The following FCHSD2 variants were observed in gnomAD, a reference collection of about 807,000 sequenced individuals.
FCHSD2 encodes FCH and double SH3 domains 2.
In FCHSD2, 38 loss-of-function variants were observed where a neutral mutation model predicts 108.1. That is an observed-to-expected ratio of 0.35 (90% CI 0.27 to 0.46). FCHSD2 has a LOEUF of 0.46. Among genes scored for constraint, FCHSD2 ranks in the 20% least tolerant of loss-of-function variants. The pLI, the probability that FCHSD2 is intolerant of heterozygous loss-of-function variation, is 1.00. For missense variants in FCHSD2, 751 were observed against 897.8 expected (o/e 0.84, Z 2.09); for synonymous variants, 279 against 314.7 (o/e 0.89, Z 1.20).
intron 3 of FCHSD2, among the ~76,000 whole-genome samples, chr11:73,038,551 A>G (rs1336173504): frequency 6.6e-6 from 1 of 152,218 alleles, no homozygotes; most frequent in African/African-American, 2.4e-5. Context: ...TTGTAGCAAC[A>G]TGAATGTAGC....
intron 4 of FCHSD2, among the ~76,000 whole-genome samples, chr11:73,014,040 T>C (rs1029296228): frequency 6.6e-6 from 1 of 152,130 alleles, no homozygotes. Context: ...CTTGCCTCTC[T>C]TGCCTAGAAT....
intron 3 of FCHSD2, among the ~76,000 whole-genome samples, chr11:73,021,236 A>T (rs1858096397): frequency 6.6e-6 from 1 of 151,578 alleles, no homozygotes; most frequent in Non-Finnish European, 1.5e-5. Context: ...CATAGAATAA[A>T]AAAAAAAAAA....
chr11:73,044,670 T>C (rs1858714603), intron 3 of FCHSD2, among the ~76,000 whole-genome samples: 1 of 152,190 alleles, frequency 6.6e-6, no homozygotes, highest in Admixed American at 6.5e-5. Flanking sequence ...ATGTGCTAGA[T>C]ACAACATTAA....
chr11:72,957,511 C>T (rs528199377), intron 8 of FCHSD2, among the ~76,000 whole-genome samples: 54 of 150,886 alleles, frequency 3.6e-4, no homozygotes, highest in African/African-American at 1.3e-3. Context: ...AACTGAGGAA[C>T]TCTTCTAGAT....
At chr11:72,973,907 A>C (rs962090203) in intron 8 of FCHSD2, among the ~76,000 whole-genome samples, 1 of 152,200 alleles carries the variant, frequency 6.6e-6, no homozygotes, top group East Asian at 1.9e-4. Flanking sequence ...CCTATTTATT[A>C]TCTGTCCCTT....
At chr11:72,989,125 T>C in intron 5 of FCHSD2, 28 bp from the exon 6 acceptor site, 2 of 1,577,546 alleles carry the variant, frequency 1.3e-6, no homozygotes, top group Non-Finnish European at 1.7e-6. Context: ...ACAATCATTA[T>C]GATTTTAGTT....
chr11:73,128,993 TCCCCAGTAGCTGGGAC>T (rs1860925255), intron 2 of FCHSD2, among the ~76,000 whole-genome samples: 1 of 152,156 alleles, frequency 6.6e-6, no homozygotes, highest in African/African-American at 2.4e-5. Flanking sequence ...TGCCTTAGCC[TCCCCAGTAGCTGGGAC>T]TACAGGCATG....
intron 3 of FCHSD2, among the ~76,000 whole-genome samples, chr11:73,043,398 A>G (rs1436365956): frequency 1.3e-5 from 2 of 152,222 alleles, no homozygotes; most frequent in Non-Finnish European, 2.9e-5. Flanking sequence ...CAAGTAATGT[A>G]TAATTTAAAT....
chr11:72,852,260 T>C (rs1861311752), intron 13 of FCHSD2, among the ~76,000 whole-genome samples: 3 of 152,196 alleles, frequency 2.0e-5, no homozygotes, highest in Admixed American at 6.5e-5. Flanking sequence ...GGGACGCTTA[T>C]ACACTGCTGG....
rs1860782455 is a variant in FCHSD2 at position 72,837,905 on chromosome 11, T to C, written c.*886A>G. 1 of 152,198 alleles carries C rather than the reference T, an allele frequency of 6.6e-6. No individual in the cohort carries two copies. Among genetic ancestry groups the C allele is most frequent in the Non-Finnish European group, 1.5e-5 (1 of 68,034 alleles). The allele number at this position is 152,198 out of a possible 1,614,324, so 9.4% of individuals were successfully genotyped here. ...CAGTAGAGAAGCTCAACAATGCAGGTATGTGTCCTCAACTTATCTAGACAT... is the reference window on the plus strand; with the variant it reads ...CAGTAGAGAAGCTCAACAATGCAGGCATGTGTCCTCAACTTATCTAGACAT... On this transcript the variant is annotated 3_prime_UTR_variant, in exon 20 of 20. Coordinates refer to ENST00000409418, the MANE Select transcript of FCHSD2 (RefSeq NM_014824.3).
At chr11:73,080,557 G>C (rs1240949303) in intron 3 of FCHSD2, among the ~76,000 whole-genome samples, 1 of 152,148 alleles carries the variant, frequency 6.6e-6, no homozygotes, top group Non-Finnish European at 1.5e-5. Context: ...AGAGTAGGCT[G>C]GAGAGGAATG....
intron 3 of FCHSD2, among the ~76,000 whole-genome samples, chr11:73,051,606 C>T (rs1858898947): frequency 1.3e-5 from 2 of 152,044 alleles, no homozygotes; most frequent in Admixed American, 1.3e-4. Flanking sequence ...TACTATTTTA[C>T]ACAAAAGTAT....
chr11:73,047,307 C>A (rs780680403), intron 3 of FCHSD2, among the ~76,000 whole-genome samples: 30 of 151,814 alleles, frequency 2.0e-4, no homozygotes, highest in Middle Eastern at 3.4e-3. Context: ...AAGCTACATA[C>A]CTAAATGATA....
chr11:73,067,378 T>C (rs796133991), intron 3 of FCHSD2, among the ~76,000 whole-genome samples: 23 of 152,068 alleles, frequency 1.5e-4, no homozygotes, highest in African/African-American at 5.5e-4. Flanking sequence ...ATACCTAACA[T>C]AGGTGACGGG....
At chr11:72,915,880 G>A (rs1855862718) in intron 9 of FCHSD2, among the ~76,000 whole-genome samples, 1 of 152,100 alleles carries the variant, frequency 6.6e-6, no homozygotes. Flanking sequence ...AGAACACTAT[G>A]CAGCCATAAA....
At chr11:72,952,033 T>TATTTTGG (rs1856629599) in intron 8 of FCHSD2, among the ~76,000 whole-genome samples, 3 of 152,162 alleles carry the variant, frequency 2.0e-5, no homozygotes, top group Non-Finnish European at 4.4e-5. Flanking sequence ...TTGGCAAGAA[T>TATTTTGG]CAAAAATTCC....
chr11:72,970,030 C>T (rs1203536728), intron 8 of FCHSD2, among the ~76,000 whole-genome samples: 1 of 152,152 alleles, frequency 6.6e-6, no homozygotes, highest in African/African-American at 2.4e-5. Context: ...TTACATCAGC[C>T]TGAGAACCAC....
intron 3 of FCHSD2, among the ~76,000 whole-genome samples, chr11:73,057,172 G>A (rs1330934110): frequency 1.3e-5 from 2 of 152,172 alleles, no homozygotes; most frequent in African/African-American, 4.8e-5. Flanking sequence ...AACAACCTAG[G>A]AAAATGCAGA....
intron 3 of FCHSD2, among the ~76,000 whole-genome samples, chr11:73,045,717 A>G (rs1858746266): frequency 1.3e-5 from 2 of 151,012 alleles, no homozygotes; most frequent in South Asian, 2.1e-4. Context: ...GAACTGAACA[A>G]TGAGATCACA....
Sources: gnomAD v4.1 joint callset for allele counts (sites outside exome capture counted in the v4.1 genomes callset) on GRCh38, gnomAD v4.1.1 for gene constraint, MANE v1.5 for transcripts, NCBI Gene and HGNC (gene_info 2026-07-23, HGNC 2026-07-21) for gene names.